DPP10: variants seen among roughly 807,000 people sequenced by gnomAD.
DPP10 encodes the protein inactive dipeptidyl peptidase 10.
DPP10 carries 33 observed loss-of-function variants against 120.9 expected under a neutral mutation model. The observed-to-expected ratio is 0.27, with a 90% CI of 0.21 to 0.37. The LOEUF (loss-of-function observed/expected upper bound fraction) is 0.37. DPP10 is among the 10% of genes least tolerant of loss of function. The pLI is 1.00. For synonymous variants in DPP10, 337 were observed against 326.1 expected (o/e 1.03, Z -0.36); for missense variants, 816 against 942.8 (o/e 0.87, Z 1.76).
intron 2 of DPP10, among the ~76,000 whole-genome samples, chr2:115,319,689 A>T (rs1051086569): frequency 6.6e-6 from 1 of 152,222 alleles, no homozygotes; most frequent in Non-Finnish European, 1.5e-5. Flanking sequence ...AAAATACCAC[A>T]GACTGGGTAA....
At chr2:115,100,845 G>T (rs562260949) in intron 1 of DPP10, among the ~76,000 whole-genome samples, 5 of 152,036 alleles carry the variant, frequency 3.3e-5, no homozygotes, top group Non-Finnish European at 7.4e-5. Flanking sequence ...TATCCTTCCA[G>T]GCCCCTGAAC....
intron 1 of DPP10, among the ~76,000 whole-genome samples, chr2:115,295,330 T>C (rs2060837126): frequency 6.6e-6 from 1 of 152,128 alleles, no homozygotes; most frequent in Non-Finnish European, 1.5e-5. Flanking sequence ...ATAGTATAAC[T>C]TACCTTGAGT....
intron 2 of DPP10, among the ~76,000 whole-genome samples, chr2:115,338,244 T>G (rs1274484983): frequency 6.6e-6 from 1 of 152,100 alleles, no homozygotes; most frequent in Non-Finnish European, 1.5e-5. Context: ...AAAATAAGAA[T>G]TCAACGTGCT....
intron 5 of DPP10, among the ~76,000 whole-genome samples, chr2:115,680,438 T>G (rs2090572593): frequency 6.6e-6 from 1 of 151,964 alleles, no homozygotes. Flanking sequence ...AGACAAATTA[T>G]GTATAGAATG....
intron 5 of DPP10, among the ~76,000 whole-genome samples, chr2:115,662,865 A>C (rs918724379): frequency 6.6e-6 from 1 of 152,220 alleles, no homozygotes; most frequent in Non-Finnish European, 1.5e-5. Flanking sequence ...TATATATAGA[A>C]GTCAAGAAAT....
chr2:115,583,270 A>C (rs1452912454), intron 5 of DPP10, among the ~76,000 whole-genome samples: 1 of 152,212 alleles, frequency 6.6e-6, no homozygotes, highest in African/African-American at 2.4e-5. Flanking sequence ...GTTGCACAAC[A>C]AATCTATGTC....
intron 1 of DPP10, chr2:115,161,762 G>A (rs918549939): frequency 4.2e-6 from 2 of 479,488 alleles, no homozygotes; most frequent in African/African-American, 2.1e-5. Flanking sequence ...TGCGGTGGCC[G>A]AGGGAGGGAC....
At chr2:114,579,775 C>T (rs552567206) in intron 1 of DPP10, among the ~76,000 whole-genome samples, 11 of 152,088 alleles carry the variant, frequency 7.2e-5, no homozygotes, top group African/African-American at 9.7e-5. Flanking sequence ...TTATTTGTTC[C>T]GGAGTCTTTA....
chr2:115,013,868 G>C (rs1411619905), intron 1 of DPP10, among the ~76,000 whole-genome samples: 1 of 152,026 alleles, frequency 6.6e-6, no homozygotes, highest in Non-Finnish European at 1.5e-5. Flanking sequence ...CCTACAAAGA[G>C]ACTTAGACCC....
Position 114,684,248 on chromosome 2 carries a change from T to A in DPP10, c.60+241410T>A, listed in dbSNP as rs200727805. On this transcript the variant is annotated intron_variant, in intron 1 of 25. Coordinates refer to ENST00000410059, the MANE Select transcript of DPP10 (RefSeq NM_020868.6). ...TTCCTGTGAGTTCCATACAGAGATC[T>A]CTCAGGAACTTGCTCTTTTACCTCC... 5.3e-5 allele frequency among the ~76,000 whole-genome samples: 8 copies of A among 152,084 alleles called. No homozygotes were observed. The East Asian group carries it at 1.6e-3, about 30-fold the overall frequency.
Position 115,840,329 on chromosome 2 carries a change from T to TTTG in DPP10, c.2183-419_2183-418insGTT, listed in dbSNP as rs1689996986. ...ATATAAGGTTTTTTGGTTTTTTTTT[T>TTTG]TTTTTTTTTTTTGAGACGGAGTCTT... is the stretch of plus-strand genomic sequence containing the variant. On this transcript the variant is annotated intron_variant, in intron 24 of 25. Transcript: ENST00000410059. Among the ~76,000 whole-genome samples the TTTG allele has an allele frequency of 4.2e-5, 5 of 120,448 alleles. 1 individual carries two copies. The highest frequency in any genetic ancestry group is 1.7e-4 in the Admixed American group (2 of 12,080). 79.0% of individuals were successfully genotyped at this position (120,448 alleles called of 152,430 possible).
chr2:114,932,389 G>A (rs1696141461), intron 1 of DPP10, among the ~76,000 whole-genome samples: 1 of 152,090 alleles, frequency 6.6e-6, no homozygotes. Flanking sequence ...ATACATCATG[G>A]CCCATGGCTG....
chr2:115,260,711 T>G (rs1424918394), intron 1 of DPP10, among the ~76,000 whole-genome samples: 7 of 152,196 alleles, frequency 4.6e-5, no homozygotes, highest in Non-Finnish European at 1.0e-4. Flanking sequence ...TTAAGCTCAT[T>G]TTAGTGCTAT....
intron 8 of DPP10, among the ~76,000 whole-genome samples, chr2:115,730,667 CAAAT>C (rs2092883765): frequency 6.6e-6 from 1 of 152,102 alleles, no homozygotes; most frequent in African/African-American, 2.4e-5. Context: ...CGTTTCCTGA[CAAAT>C]ACGGTAATTT....
chr2:115,453,226 T>C lies in DPP10; in HGVS notation c.272-46284T>C, dbSNP rs184900518. ...GATCATGGACTACTTACATTTTAAC[T>C]CAAATTCTTCTTAAGTGTTTACATT... On this transcript the variant is annotated intron_variant, in intron 3 of 25. Coordinates refer to ENST00000410059, the MANE Select transcript of DPP10 (RefSeq NM_020868.6). Among the ~76,000 whole-genome samples, 530 of 151,702 alleles carry C rather than the reference T, an allele frequency of 3.5e-3. 2 individuals are homozygous for C. The highest frequency in any genetic ancestry group is 0.012 in the African/African-American group (493 of 41,544).
intron 1 of DPP10, among the ~76,000 whole-genome samples, chr2:114,765,323 G>A (rs1680614990): frequency 6.6e-6 from 1 of 152,082 alleles, no homozygotes; most frequent in Non-Finnish European, 1.5e-5. Context: ...TTTTTGATGG[G>A]AAATTTTCTG....
intron 1 of DPP10, among the ~76,000 whole-genome samples, chr2:114,901,667 T>C (rs577877901): frequency 2.0e-5 from 3 of 152,180 alleles, no homozygotes; most frequent in African/African-American, 2.4e-5. Flanking sequence ...GACATCTCAA[T>C]TGGCTTAGCT....
At chr2:114,487,265 T>C (rs1166865502) in intron 1 of DPP10, among the ~76,000 whole-genome samples, 1 of 152,214 alleles carries the variant, frequency 6.6e-6, no homozygotes, top group Non-Finnish European at 1.5e-5. Flanking sequence ...TTAATACCTT[T>C]GCATGCAAAT....
At chr2:114,943,791 A>C (rs1421828644) in intron 1 of DPP10, among the ~76,000 whole-genome samples, 2 of 152,240 alleles carry the variant, frequency 1.3e-5, no homozygotes, top group Non-Finnish European at 2.9e-5. Context: ...AAAATCAGCC[A>C]TCACTCTAAA....
Sources: allele counts gnomAD v4.1 joint callset (sites outside exome capture counted in the v4.1 genomes callset), GRCh38; gene constraint gnomAD v4.1.1; transcripts MANE v1.5; gene names NCBI Gene and HGNC (gene_info 2026-07-23, HGNC 2026-07-21).